KMT2C: variants seen among roughly 807,000 people sequenced by gnomAD.
KMT2C encodes the protein lysine methyltransferase 2C, also known as histone-lysine N-methyltransferase 2C.
A neutral mutation model predicts 507.9 loss-of-function variants in KMT2C; 88 were observed. The observed-to-expected ratio is 0.17, with a 90% CI of 0.15 to 0.21. KMT2C has a LOEUF of 0.21. Among genes scored for constraint, KMT2C ranks in the 10% least tolerant of loss-of-function variants. The probability of loss-of-function intolerance (pLI) is 1.00; values close to 1 mark genes in which losing one functional copy is unlikely to be tolerated. For missense variants in KMT2C, 4,954 were observed against 5,957.8 expected (o/e 0.83, Z 5.55); for synonymous variants, 2,049 against 2,080.8 (o/e 0.98, Z 0.42).
chr7:152,351,408 A>G (rs1299885139), intron 2 of KMT2C, among the ~76,000 whole-genome samples: 1 of 152,186 alleles, frequency 6.6e-6, no homozygotes, highest in Non-Finnish European at 1.5e-5. Flanking sequence ...CTATGACATC[A>G]TGACAGCTAT....
chr7:152,391,878 CAA>C (rs2097501925), intron 1 of KMT2C, among the ~76,000 whole-genome samples: 1 of 152,052 alleles, frequency 6.6e-6, no homozygotes, highest in African/African-American at 2.4e-5. Context: ...AACGAAAACA[CAA>C]AGAGCTTTGA....
At chr7:152,251,081 G>A in intron 11 of KMT2C, 115 bp from the exon 12 acceptor site, 1 of 612,858 alleles carries the variant, frequency 1.6e-6, no homozygotes, top group Non-Finnish European at 2.9e-6. Flanking sequence ...AATGCTTTAA[G>A]TTTTTCTTCA....
chr7:152,418,797 T>C (rs751247426), intron 1 of KMT2C, among the ~76,000 whole-genome samples: 1 of 152,040 alleles, frequency 6.6e-6, no homozygotes, highest in Admixed American at 6.6e-5. Context: ...AATACGGAAA[T>C]TTTCTTTTAC....
At chr7:152,206,092 A>G (rs1173986503) in intron 24 of KMT2C, among the ~76,000 whole-genome samples, 1 of 152,200 alleles carries the variant, frequency 6.6e-6, no homozygotes, top group Non-Finnish European at 1.5e-5. Context: ...CACTGGTTAA[A>G]AAAGGGGGTG....
intron 1 of KMT2C, among the ~76,000 whole-genome samples, chr7:152,399,977 A>C (rs932834446): frequency 6.6e-6 from 1 of 152,156 alleles, no homozygotes; most frequent in African/African-American, 2.4e-5. Flanking sequence ...AGTAAGTCTA[A>C]TAATCCAACT....
intron 2 of KMT2C, among the ~76,000 whole-genome samples, chr7:152,332,511 T>C (rs558611270): frequency 6.6e-6 from 1 of 152,212 alleles, no homozygotes; most frequent in East Asian, 1.9e-4. Flanking sequence ...TACCTTCCCC[T>C]TCAACTATAC....
At chr7:152,242,731 T>A (rs1489984099) in intron 14 of KMT2C, among the ~76,000 whole-genome samples, 1 of 152,144 alleles carries the variant, frequency 6.6e-6, no homozygotes, top group Non-Finnish European at 1.5e-5. Context: ...AGAAGCAACT[T>A]TCTATTAAAA....
intron 9 of KMT2C, among the ~76,000 whole-genome samples, chr7:152,255,157 A>ATATATATGTGTG (rs767823858): frequency 1.6e-5 from 2 of 128,374 alleles, no homozygotes; most frequent in African/African-American, 6.1e-5. Flanking sequence ...ATATATATAT[A>ATATATATGTGTG]TGTGTGTGTG....
intron 2 of KMT2C, among the ~76,000 whole-genome samples, chr7:152,355,799 A>C (rs2097146641): frequency 6.6e-6 from 1 of 152,182 alleles, no homozygotes; most frequent in African/African-American, 2.4e-5. Context: ...AAAAATAAGT[A>C]GTAATCATAG....
intron 2 of KMT2C, among the ~76,000 whole-genome samples, chr7:152,332,656 A>C (rs1011521122): frequency 1.3e-5 from 2 of 152,096 alleles, no homozygotes; most frequent in Non-Finnish European, 2.9e-5. Context: ...GACCAGCCTG[A>C]CCAACAACAT....
chr7:152,332,278 A>G (rs2096891869), intron 2 of KMT2C, among the ~76,000 whole-genome samples: 1 of 152,136 alleles, frequency 6.6e-6, no homozygotes, highest in Non-Finnish European at 1.5e-5. Flanking sequence ...TCTGTCTGTC[A>G]TGCTCTATTA....
intron 6 of KMT2C, among the ~76,000 whole-genome samples, chr7:152,287,134 G>A (rs2096313892): frequency 6.6e-6 from 1 of 152,122 alleles, no homozygotes; most frequent in Non-Finnish European, 1.5e-5. Flanking sequence ...TCTAGAGTGT[G>A]GGTGGAAAAA....
At chr7:152,345,674 C>T (rs775383044) in intron 2 of KMT2C, among the ~76,000 whole-genome samples, 26 of 152,000 alleles carry the variant, frequency 1.7e-4, no homozygotes, top group Admixed American at 7.9e-4. Context: ...GTACCCGCCA[C>T]CATGCTCGGT....
chr7:152,165,719 G>A (rs147579703), intron 42 of KMT2C, among the ~76,000 whole-genome samples: 89 of 152,138 alleles, frequency 5.8e-4, no homozygotes, highest in African/African-American at 1.3e-3. Flanking sequence ...CAAGAGTTTT[G>A]CTCTTGTTGC....
At chr7:152,336,296 T>C (rs1290462591) in intron 2 of KMT2C, among the ~76,000 whole-genome samples, 2 of 152,232 alleles carry the variant, frequency 1.3e-5, no homozygotes, top group Non-Finnish European at 1.5e-5. Flanking sequence ...TGGTAGACTA[T>C]GTTAGATCTT....
intron 1 of KMT2C, among the ~76,000 whole-genome samples, chr7:152,395,496 AGTTTT>A (rs142333055): frequency 0.01 from 1,529 of 150,602 alleles, 23 homozygotes; most frequent in African/African-American, 0.031. Flanking sequence ...ACCATTTTTA[AGTTTT>A]GTTTTGTTTT....
chr7:152,284,864 T>C (rs921251605), intron 6 of KMT2C, among the ~76,000 whole-genome samples: 13 of 152,222 alleles, frequency 8.5e-5, no homozygotes, highest in Non-Finnish European at 1.8e-4. Flanking sequence ...CAATAAATTA[T>C]CACTAAATGC....
chr7:152,401,898 G>A (rs10247307), intron 1 of KMT2C, among the ~76,000 whole-genome samples: 3,113 of 148,056 alleles, frequency 0.021, no homozygotes, highest in African/African-American at 0.078. Flanking sequence ...ATCACCTGAG[G>A]TTGGGAGTTC....
At chr7:152,149,854 CT>C (rs1307017771) in intron 51 of KMT2C, among the ~76,000 whole-genome samples, 4 of 152,068 alleles carry the variant, frequency 2.6e-5, no homozygotes, top group Non-Finnish European at 5.9e-5. Flanking sequence ...GACAAGGTAT[CT>C]GAAAAAAGAC....
Sources: gnomAD v4.1 joint callset for allele counts (sites outside exome capture counted in the v4.1 genomes callset) on GRCh38, gnomAD v4.1.1 for gene constraint, MANE v1.5 for transcripts, NCBI Gene and HGNC (gene_info 2026-07-23, HGNC 2026-07-21) for gene names.